Variants in TTC23L observed in about 807,000 individuals in gnomAD.
TTC23L encodes tetratricopeptide repeat domain 23 like.
In TTC23L, 42 loss-of-function variants were observed where a neutral mutation model predicts 48.1. The ratio of observed to expected loss-of-function variants is 0.87; its 90% CI spans 0.68 to 1.13. The LOEUF is 1.13. Ranked by LOEUF, TTC23L falls within the 50% of genes most tolerant of loss-of-function variation. TTC23L has a pLI of 0.00. For synonymous variants in TTC23L, 159 were observed against 157.2 expected (o/e 1.01, Z -0.09); for missense variants, 391 against 421.0 (o/e 0.93, Z 0.62).
intron 1 of TTC23L, 85 bp from the exon 2 acceptor site, chr5:34,840,580 T>C (rs1758565594): frequency 5.1e-6 from 6 of 1,185,120 alleles, no homozygotes; most frequent in Non-Finnish European, 7.6e-6. Context: ...AGTTTTAGTT[T>C]AATGTTAATA....
chr5:34,851,361 T>C (rs116468703), intron 4 of TTC23L, among the ~76,000 whole-genome samples: 2,744 of 152,322 alleles, frequency 0.018, 44 homozygotes, highest in Non-Finnish European at 0.028. Context: ...TTGAGTTCAC[T>C]TCTCAGTTAT....
At chr5:34,867,028 C>T in exon 7 of TTC23L, 1 of 1,612,122 alleles carries the variant, frequency 6.2e-7, no homozygotes. Flanking sequence ...GATAGAGCAG[C>T]TGAGGAGGAA....
At chr5:34,877,130 A>T (rs1193186640) in intron 8 of TTC23L, among the ~76,000 whole-genome samples, 1 of 152,244 alleles carries the variant, frequency 6.6e-6, no homozygotes, top group Non-Finnish European at 1.5e-5. Context: ...GCCAAATGGG[A>T]TTTATCGCAG....
chr5:34,923,244 A>G, the TTC23L span: 2 of 1,562,272 alleles, frequency 1.3e-6, no homozygotes, highest in Non-Finnish European at 1.8e-6. Flanking sequence ...GGTAAGCTTT[A>G]CTTGATTTTT....
the TTC23L span, chr5:34,924,812 C>G: frequency 6.6e-7 from 1 of 1,526,532 alleles, no homozygotes; most frequent in Non-Finnish European, 9.1e-7. Flanking sequence ...AATAACGTAA[C>G]CAAACCAAAA....
At chr5:34,845,857 G>C in intron 3 of TTC23L, 184 bp downstream of exon 3, 1 of 629,324 alleles carries the variant, frequency 1.6e-6, no homozygotes, top group Non-Finnish European at 2.7e-6. Context: ...TTCCATGCAT[G>C]GTTCATTGTC....
rs188769177 is a variant in TTC23L, at chr5:34,846,429, G to T, written c.255+756G>T. Among the ~76,000 whole-genome samples the T allele has an allele frequency of 7.7e-4, 115 of 150,264 alleles. 1 individual carries two copies. The highest frequency in any genetic ancestry group is 2.6e-3 in the African/African-American group (107 of 40,928). On this transcript the variant is annotated intron_variant, in intron 3 of 10. Transcript: ENST00000505624. Reference sequence around the variant, plus strand: ...ACAAAAATTAGCCAGGCGTGGTGGCGCATGCCTGTAATCCCAGCTACTTGG... The same window carrying T: ...ACAAAAATTAGCCAGGCGTGGTGGCTCATGCCTGTAATCCCAGCTACTTGG...
At chr5:34,925,565 A>T in the TTC23L span, 1 of 1,328,016 alleles carries the variant, frequency 7.5e-7, no homozygotes, top group Non-Finnish European at 1.0e-6. Context: ...AAATACTTTT[A>T]TTATCTAATA....
chr5:34,924,788 GTA>G, the TTC23L span: 6 of 1,193,422 alleles, frequency 5.0e-6, no homozygotes, highest in Non-Finnish European at 7.4e-6. Context: ...GTTATAGCCA[GTA>G]TACCTTTTGG....
rs199803809 is a variant in TTC23L, at chr5:34,864,673, TAA to T, written c.662+114_662+115del. On this transcript the variant is annotated intron_variant, in intron 6 of 10. Coordinates refer to ENST00000505624, the Ensembl canonical transcript of TTC23L. ...AAAAACCCAGAAACTCAAATGATAA[TAA>T]AAGAGGCTCATATTTACCAAATGGA... is the stretch of plus-strand genomic sequence containing the variant. 95 of 1,338,676 alleles carry T rather than the reference TAA, an allele frequency of 7.1e-5. 1 individual carries two copies. In the East Asian group the frequency reaches 2.2e-3, roughly 32 times the overall value. The allele number at this position is 1,338,676 out of a possible 1,614,324, so 82.9% of individuals were successfully genotyped here. A position where few individuals can be genotyped will look rare whatever the true frequency, so the allele number is the denominator to read the frequency against.
chr5:34,850,035 A>G (rs999176946), intron 3 of TTC23L, 150 bp from the exon 4 acceptor site: 9 of 923,196 alleles, frequency 9.7e-6, no homozygotes, highest in African/African-American at 5.0e-5. Flanking sequence ...TGTGGATCCA[A>G]CCAGACCTGA....
the TTC23L span, chr5:34,907,652 G>A: frequency 1.3e-5 from 2 of 152,202 alleles, no homozygotes; most frequent in Admixed American, 6.5e-5. Flanking sequence ...ATGGAAAGTA[G>A]TAAGTACTGA....
In TTC23L at chr5:34,880,210, A is replaced by T. The variant is rs758075968; in HGVS notation, c.979A>T (p.Ile327Phe). The change falls in exon 9 of 11, where the codon ATC becomes TTC. Residue 327 changes from isoleucine to phenylalanine, a missense_variant. Coordinates refer to ENST00000505624, the Ensembl canonical transcript of TTC23L. ...TGTTGAGATATATTTCATAAGAAGT[A>T]TCAATGCATATCGAGCAACATTGGG... The T allele has an allele frequency of 8.7e-6, 14 of 1,612,672 alleles. No individual in the cohort carries two copies. In the Admixed American group the frequency reaches 2.3e-4, roughly 27 times the overall value.
intron 4 of TTC23L, among the ~76,000 whole-genome samples, chr5:34,859,840 C>CTTTTTTTTTTTTTTTTT (rs10590697): frequency 4.2e-5 from 4 of 95,362 alleles, no homozygotes; most frequent in Admixed American, 1.4e-4. Context: ...TTTTCTTCTT[C>CTTTTTTTTTTTTTTTTT]TTTTTTTTTT....
intron 8 of TTC23L, among the ~76,000 whole-genome samples, chr5:34,876,535 T>C (rs1019582573): frequency 6.6e-6 from 1 of 152,328 alleles, no homozygotes; most frequent in Non-Finnish European, 1.5e-5. Flanking sequence ...TCATGAAAGA[T>C]ACAATCTGCC....
chr5:34,916,123 C>T, the TTC23L span: 15 of 440,382 alleles, frequency 3.4e-5, no homozygotes, highest in South Asian at 7.2e-4. Context: ...TTTACCCGGC[C>T]CACGGGGAAG....
At chr5:34,845,448 A>T (rs1436973489) in intron 2 of TTC23L, 39 bp from the exon 3 acceptor site, 1 of 1,576,600 alleles carries the variant, frequency 6.3e-7, no homozygotes, top group Admixed American at 1.8e-5. Flanking sequence ...GAGATGGAGA[A>T]GGTTAAATCC....
intron 3 of TTC23L, among the ~76,000 whole-genome samples, chr5:34,849,626 GATA>G (rs1248697722): frequency 6.6e-6 from 1 of 152,170 alleles, no homozygotes; most frequent in African/African-American, 2.4e-5. Context: ...ATTTTGGTGA[GATA>G]ATGATTTTGT....
the TTC23L span, chr5:34,925,122 G>T: frequency 7.7e-6 from 11 of 1,437,570 alleles, no homozygotes; most frequent in Non-Finnish European, 1.0e-5. Flanking sequence ...CTTTTTTCAT[G>T]ACACTGGCTG....
Sources: allele counts gnomAD v4.1 joint callset (sites outside exome capture counted in the v4.1 genomes callset), GRCh38; gene constraint gnomAD v4.1.1; transcripts MANE v1.5; gene names NCBI Gene and HGNC (gene_info 2026-07-23, HGNC 2026-07-21).